CSRNP3: variants seen among roughly 807,000 people sequenced by gnomAD.
CSRNP3 encodes cysteine and serine rich nuclear protein 3, also known as cysteine/serine-rich nuclear protein 3.
A neutral mutation model predicts 48.0 loss-of-function variants in CSRNP3; 12 were observed. The ratio of observed to expected loss-of-function variants is 0.25; its 90% CI spans 0.16 to 0.41. The LOEUF (loss-of-function observed/expected upper bound fraction) is 0.41, where lower values mean the gene tolerates loss of function less well. Ranked by LOEUF, CSRNP3 falls within the 10% of genes least tolerant of loss-of-function variation. The pLI is 1.00. For synonymous variants in CSRNP3, 263 were observed against 269.7 expected (o/e 0.98, Z 0.24); for missense variants, 580 against 724.4 (o/e 0.80, Z 2.29).
At chr2:165,668,227 A>G (rs1283846497) in intron 5 of CSRNP3, among the ~76,000 whole-genome samples, 2 of 152,130 alleles carry the variant, frequency 1.3e-5, no homozygotes, top group Non-Finnish European at 2.9e-5. Context: ...CGTTAGCTCA[A>G]CCAGCTTTAT....
chr2:165,536,116 A>G (rs1684878498), intron 3 of CSRNP3, among the ~76,000 whole-genome samples: 1 of 151,958 alleles, frequency 6.6e-6, no homozygotes, highest in African/African-American at 2.4e-5. Context: ...TTGTGTGCCA[A>G]TAATATACTT....
chr2:165,632,761 C>T (rs1558956793), intron 4 of CSRNP3, among the ~76,000 whole-genome samples: 1 of 152,154 alleles, frequency 6.6e-6, no homozygotes, highest in African/African-American at 2.4e-5. Flanking sequence ...TTCACCCCAT[C>T]TTTATTTCAT....
chr2:165,547,774 A>G (rs1211118949), intron 3 of CSRNP3, among the ~76,000 whole-genome samples: 1 of 152,048 alleles, frequency 6.6e-6, no homozygotes, highest in Non-Finnish European at 1.5e-5. Flanking sequence ...TAACCATACT[A>G]ATGGTAAGAA....
intron 5 of CSRNP3, among the ~76,000 whole-genome samples, chr2:165,660,873 C>T (rs1687085599): frequency 6.6e-6 from 1 of 152,104 alleles, no homozygotes; most frequent in African/African-American, 2.4e-5. Context: ...ATCACTACTT[C>T]CAAATAAATA....
chr2:165,478,451 A>G (rs1683998678), intron 1 of CSRNP3, among the ~76,000 whole-genome samples: 1 of 152,166 alleles, frequency 6.6e-6, no homozygotes, highest in African/African-American at 2.4e-5. Context: ...ATGTTTAAAA[A>G]TATTTGCTGT....
At chr2:165,514,351 G>A (rs1418628322) in intron 2 of CSRNP3, among the ~76,000 whole-genome samples, 2 of 152,230 alleles carry the variant, frequency 1.3e-5, no homozygotes, top group Admixed American at 1.3e-4. Flanking sequence ...AAAAATGGCA[G>A]TTCCCGCTGA....
At chr2:165,674,249 T>A (rs868318811) in intron 5 of CSRNP3, among the ~76,000 whole-genome samples, 2 of 152,164 alleles carry the variant, frequency 1.3e-5, no homozygotes, top group African/African-American at 4.8e-5. Flanking sequence ...AAGCCAAGAA[T>A]TAATGAAAAC....
chr2:165,540,325 T>C (rs920203653), intron 3 of CSRNP3, among the ~76,000 whole-genome samples: 6 of 152,100 alleles, frequency 3.9e-5, no homozygotes, highest in African/African-American at 1.4e-4. Context: ...TTTCCACTAG[T>C]GTAAACAATA....
intron 3 of CSRNP3, among the ~76,000 whole-genome samples, chr2:165,576,486 A>G (rs2105278603): frequency 6.6e-6 from 1 of 152,188 alleles, no homozygotes; most frequent in South Asian, 2.1e-4. Flanking sequence ...GTGTGGGCAA[A>G]GAAGGAAAGC....
intron 1 of CSRNP3, among the ~76,000 whole-genome samples, chr2:165,484,813 A>G (rs1015856433): frequency 6.6e-6 from 1 of 152,150 alleles, no homozygotes; most frequent in African/African-American, 2.4e-5. Flanking sequence ...ACAACATCGC[A>G]ATTTTGGTAG....
intron 5 of CSRNP3, among the ~76,000 whole-genome samples, chr2:165,674,680 G>GT (rs1687389818): frequency 9.5e-5 from 5 of 52,682 alleles, no homozygotes; most frequent in Admixed American, 4.6e-4. Flanking sequence ...AAATACTTCT[G>GT]AATATATATA....
intron 2 of CSRNP3, among the ~76,000 whole-genome samples, chr2:165,498,625 A>C (rs1212642934): frequency 6.6e-6 from 1 of 152,156 alleles, no homozygotes; most frequent in African/African-American, 2.4e-5. Flanking sequence ...CAAAAGCACA[A>C]TTGGACCAAA....
intron 4 of CSRNP3, among the ~76,000 whole-genome samples, chr2:165,654,541 G>A (rs1394189050): frequency 1.3e-5 from 2 of 152,176 alleles, no homozygotes; most frequent in African/African-American, 4.8e-5. Context: ...AATCTTCTGA[G>A]TCTCTTCATT....
chr2:165,482,356 T>G (rs2105449619), intron 1 of CSRNP3, among the ~76,000 whole-genome samples: 1 of 151,850 alleles, frequency 6.6e-6, no homozygotes. Context: ...CTCCACCTCC[T>G]GAGTCCAAGC....
At chr2:165,569,927 A>G (rs1231593499) in intron 3 of CSRNP3, among the ~76,000 whole-genome samples, 2 of 151,496 alleles carry the variant, frequency 1.3e-5, no homozygotes, top group East Asian at 3.9e-4. Context: ...CAAAAATCCT[A>G]TCTACTTATT....
intron 2 of CSRNP3, among the ~76,000 whole-genome samples, chr2:165,506,947 G>A (rs903591408): frequency 6.6e-6 from 1 of 151,972 alleles, no homozygotes; most frequent in Non-Finnish European, 1.5e-5. Context: ...AGAAAAATGT[G>A]TTGGGCCACC....
chr2:165,679,893 T>A lies in CSRNP3; in HGVS notation c.*140T>A. On this transcript the variant is annotated 3_prime_UTR_variant, in exon 7 of 7. Coordinates refer to ENST00000651982, the MANE Select transcript of CSRNP3 (RefSeq NM_001172173.2). The stretch of plus-strand genomic sequence containing the variant: ...AATCTTCCAGACTGTATTTTGTTTT[T>A]TCCTTTCTAGCCACATGACTGTGGC... 10 of 1,233,298 alleles carry A rather than the reference T, an allele frequency of 8.1e-6. No homozygotes were observed. The highest frequency in any genetic ancestry group is 1.1e-5 in the Non-Finnish European group (10 of 892,688). 76.4% of individuals were successfully genotyped at this position (1,233,298 alleles called of 1,614,324 possible). A position where few individuals can be genotyped will look rare whatever the true frequency, so the allele number is the denominator to read the frequency against.
chr2:165,580,874 T>C (rs1231515425), intron 3 of CSRNP3, among the ~76,000 whole-genome samples: 5 of 151,982 alleles, frequency 3.3e-5, no homozygotes, highest in African/African-American at 9.7e-5. Flanking sequence ...GTTTTTTTTT[T>C]CCTCAATGTG....
chr2:165,606,361 T>G (rs1686011914), intron 4 of CSRNP3, among the ~76,000 whole-genome samples: 1 of 106,950 alleles, frequency 9.4e-6, no homozygotes, highest in African/African-American at 3.9e-5. Flanking sequence ...GAAGAGCTAA[T>G]GCAGCAAAAA....
Sources: gnomAD v4.1 joint callset for allele counts (sites outside exome capture counted in the v4.1 genomes callset) on GRCh38, gnomAD v4.1.1 for gene constraint, MANE v1.5 for transcripts, NCBI Gene and HGNC (gene_info 2026-07-23, HGNC 2026-07-21) for gene names.